MCU: variants seen among roughly 807,000 people sequenced by gnomAD.
MCU encodes the protein mitochondrial calcium uniporter.
A neutral mutation model predicts 45.2 loss-of-function variants in MCU; 12 were observed. The ratio of observed to expected loss-of-function variants is 0.27; its 90% CI spans 0.17 to 0.43. The LOEUF (loss-of-function observed/expected upper bound fraction) is 0.43. Ranked by LOEUF, MCU falls within the 20% of genes least tolerant of loss-of-function variation. The pLI is 1.00. For missense variants in MCU, 324 were observed against 436.7 expected, an observed-to-expected ratio of 0.74 and a Z score of 2.30; for synonymous variants, 160 against 165.1, an observed-to-expected ratio of 0.97 and a Z score of 0.24.
intron 1 of MCU, among the ~76,000 whole-genome samples, chr10:72,789,717 C>CT (rs1161794084): frequency 2.6e-5 from 4 of 152,098 alleles, no homozygotes; most frequent in African/African-American, 9.7e-5. Flanking sequence ...CTGTTAAGAC[C>CT]TGTTCCCTCA....
intron 1 of MCU, 42 bp from the exon 2 acceptor site, chr10:72,834,317 T>C: frequency 6.9e-7 from 1 of 1,452,878 alleles, no homozygotes; most frequent in Non-Finnish European, 9.7e-7. Flanking sequence ...TATATGTTTG[T>C]TGTTCCATTC....
At chr10:72,803,166 G>A (rs1724476197) in intron 1 of MCU, among the ~76,000 whole-genome samples, 1 of 151,902 alleles carries the variant, frequency 6.6e-6, no homozygotes, top group African/African-American at 2.4e-5. Context: ...TTATTGTGGA[G>A]GAGAATATAG....
At chr10:72,836,783 T>TG (rs1844961847) in intron 2 of MCU, among the ~76,000 whole-genome samples, 1 of 152,232 alleles carries the variant, frequency 6.6e-6, no homozygotes, top group Admixed American at 6.5e-5. Context: ...TGTAGCTTGA[T>TG]GTCCTTATTA....
At chr10:72,803,075 G>A (rs938476444) in intron 1 of MCU, among the ~76,000 whole-genome samples, 2 of 152,130 alleles carry the variant, frequency 1.3e-5, no homozygotes, top group African/African-American at 4.8e-5. Context: ...TATTGTAAGA[G>A]AAGATAGGCT....
intron 1 of MCU, among the ~76,000 whole-genome samples, chr10:72,725,297 T>C (rs182617194): frequency 1.1e-4 from 17 of 152,168 alleles, no homozygotes; most frequent in South Asian, 6.2e-4. Context: ...GGCTAATTTT[T>C]TGTATTTTTT....
At chr10:72,773,031 C>T (rs562159716) in intron 1 of MCU, among the ~76,000 whole-genome samples, 1 of 152,126 alleles carries the variant, frequency 6.6e-6, no homozygotes, top group South Asian at 2.1e-4. Context: ...CCTTAGTAGG[C>T]GGGACTACAG....
intron 2 of MCU, among the ~76,000 whole-genome samples, chr10:72,856,936 CAAAAAAAAA>C (rs71021541): frequency 7.0e-4 from 56 of 79,686 alleles, no homozygotes; most frequent in African/African-American, 2.6e-3. Flanking sequence ...CAAGATGTCT[CAAAAAAAAA>C]AAAAAAAAAA....
chr10:72,769,948 C>G (rs1206529858), intron 1 of MCU, among the ~76,000 whole-genome samples: 3 of 152,182 alleles, frequency 2.0e-5, no homozygotes, highest in Non-Finnish European at 2.9e-5. Context: ...AAATTTCCAT[C>G]TGAGCACCAC....
At chr10:72,704,167 G>A (rs148305220) in intron 1 of MCU, among the ~76,000 whole-genome samples, 3 of 152,118 alleles carry the variant, frequency 2.0e-5, no homozygotes, top group Non-Finnish European at 2.9e-5. Context: ...GGACCAGAGA[G>A]GTAGAAAGAC....
intron 6 of MCU, among the ~76,000 whole-genome samples, chr10:72,881,210 TA>T (rs1160009450): frequency 6.6e-6 from 1 of 152,106 alleles, no homozygotes; most frequent in African/African-American, 2.4e-5. Context: ...ATACCTATAT[TA>T]AAAAATGAAA....
chr10:72,875,856 A>C (rs1845608814), intron 6 of MCU, among the ~76,000 whole-genome samples: 1 of 152,254 alleles, frequency 6.6e-6, no homozygotes, highest in South Asian at 2.1e-4. Context: ...GTCAGCGTGC[A>C]GGTGGACCAG....
intron 1 of MCU, among the ~76,000 whole-genome samples, chr10:72,702,192 A>G (rs887026083): frequency 4.0e-5 from 6 of 151,898 alleles, no homozygotes; most frequent in Admixed American, 2.0e-4. Flanking sequence ...CAGAGGTTGC[A>G]GTGACCCGAG....
chr10:72,785,541 G>A (rs1210468976), intron 1 of MCU, among the ~76,000 whole-genome samples: 1 of 152,202 alleles, frequency 6.6e-6, no homozygotes, highest in African/African-American at 2.4e-5. Flanking sequence ...CATGCTTGTT[G>A]AGTAGGCATT....
intron 2 of MCU, among the ~76,000 whole-genome samples, chr10:72,840,088 A>G (rs1381096609): frequency 3.3e-5 from 5 of 151,896 alleles, no homozygotes; most frequent in African/African-American, 1.2e-4. Flanking sequence ...TTGTAGGTAT[A>G]TGCTTAATTT....
chr10:72,805,197 CCTTCCTTT>C (rs1325649706), intron 1 of MCU, among the ~76,000 whole-genome samples: 2 of 144,548 alleles, frequency 1.4e-5, no homozygotes, highest in Non-Finnish European at 3.0e-5. Context: ...TTCCTTCCTT[CCTTCCTTT>C]CTTCCTTTCC....
intron 1 of MCU, among the ~76,000 whole-genome samples, chr10:72,826,688 C>G (rs1253128950): frequency 6.6e-6 from 1 of 152,212 alleles, no homozygotes; most frequent in South Asian, 2.1e-4. Flanking sequence ...TTAACAGATA[C>G]AGTACAGTGG....
intron 1 of MCU, among the ~76,000 whole-genome samples, chr10:72,742,322 A>C (rs1843346851): frequency 6.6e-6 from 1 of 152,052 alleles, no homozygotes; most frequent in Non-Finnish European, 1.5e-5. Context: ...CTAAGGATGC[A>C]TTTTTCAGAG....
intron 1 of MCU, among the ~76,000 whole-genome samples, chr10:72,811,973 C>T (rs748896916): frequency 3.9e-5 from 6 of 151,962 alleles, no homozygotes; most frequent in Admixed American, 6.6e-5. Flanking sequence ...ATTCAGCCAA[C>T]CCTGTGTTCC....
chr10:72,796,154 A>C (rs892684373), intron 1 of MCU, among the ~76,000 whole-genome samples: 3 of 151,974 alleles, frequency 2.0e-5, no homozygotes, highest in Non-Finnish European at 4.4e-5. Context: ...AACCTTTAAA[A>C]CGGTCCAATT....
Sources: allele counts gnomAD v4.1 joint callset (sites outside exome capture counted in the v4.1 genomes callset), GRCh38; gene constraint gnomAD v4.1.1; transcripts MANE v1.5; gene names NCBI Gene and HGNC (gene_info 2026-07-23, HGNC 2026-07-21).